RBMS3: variants seen among roughly 807,000 people sequenced by gnomAD.
RBMS3 encodes the protein RNA-binding motif, single-stranded-interacting protein 3.
A neutral mutation model predicts 66.8 loss-of-function variants in RBMS3; 27 were observed. The ratio of observed to expected loss-of-function variants is 0.40; its 90% CI spans 0.30 to 0.56. RBMS3 has a LOEUF of 0.56. RBMS3 is among the 20% of genes least tolerant of loss of function. RBMS3 has a pLI of 0.40. For synonymous variants in RBMS3, 188 were observed against 183.0 expected, an observed-to-expected ratio of 1.03 and a Z score of -0.22; for missense variants, 513 against 549.5, an observed-to-expected ratio of 0.93 and a Z score of 0.66.
At chr3:29,309,670 G>A (rs900635934) in intron 1 of RBMS3, among the ~76,000 whole-genome samples, 28 of 151,532 alleles carry the variant, frequency 1.8e-4, no homozygotes, top group Non-Finnish European at 1.5e-5. Context: ...GCAGAAATGA[G>A]TATTATTATA....
At chr3:29,725,270 A>T (rs1014852099) in intron 4 of RBMS3, among the ~76,000 whole-genome samples, 4 of 152,218 alleles carry the variant, frequency 2.6e-5, no homozygotes, top group African/African-American at 4.8e-5. Context: ...GTCGAGTCAC[A>T]TTAAACGTAA....
At chr3:29,400,695 T>C (rs2039770371) in intron 1 of RBMS3, among the ~76,000 whole-genome samples, 1 of 151,804 alleles carries the variant, frequency 6.6e-6, no homozygotes. Flanking sequence ...TAGGTGAAAA[T>C]GGAAGTTGGA....
chr3:29,551,565 G>T (rs1017542537), intron 3 of RBMS3, among the ~76,000 whole-genome samples: 7 of 152,182 alleles, frequency 4.6e-5, no homozygotes, highest in Admixed American at 3.3e-4. Flanking sequence ...TGTATGTAAG[G>T]TCTTACTTGC....
At chr3:29,996,994 A>C (rs1423616542) in intron 14 of RBMS3, among the ~76,000 whole-genome samples, 1 of 152,058 alleles carries the variant, frequency 6.6e-6, no homozygotes, top group Admixed American at 6.6e-5. Context: ...TTTTTTGAAA[A>C]GATCAAAAAA....
intron 10 of RBMS3, among the ~76,000 whole-genome samples, chr3:29,928,211 T>TATATATATATATATACACACACAC (rs1291440563): frequency 2.1e-5 from 2 of 93,508 alleles, no homozygotes; most frequent in African/African-American, 8.5e-5. Flanking sequence ...TATATATATA[T>TATATATATATATATACACACACAC]ACACACACAC....
At position 29,701,529 on chromosome 3, in the gene RBMS3, C is replaced by T. The variant is rs144680353; in HGVS notation, c.400-38191C>T. Reference sequence around the variant, plus strand: ...TGCACTATGGGAGCCCCTCTCTGGGCTGGCAGAGGTCGGAGCCAGCTCCCT... The same window carrying T: ...TGCACTATGGGAGCCCCTCTCTGGGTTGGCAGAGGTCGGAGCCAGCTCCCT... On this transcript the variant is annotated intron_variant, in intron 4 of 14. Transcript: ENST00000383767. 2.9e-3 allele frequency among the ~76,000 whole-genome samples: 436 copies of T among 152,182 alleles called. 1 individual carries two copies. Among genetic ancestry groups the T allele is most frequent in the African/African-American group, 9.8e-3 (407 of 41,542 alleles).
chr3:29,824,119 A>T (rs1279135405), intron 6 of RBMS3, among the ~76,000 whole-genome samples: 1 of 71,486 alleles, frequency 1.4e-5, no homozygotes, highest in African/African-American at 5.3e-5. Context: ...CCCCACCCCC[A>T]CCCCACCCCA....
chr3:29,414,153 G>A (rs568663939), intron 1 of RBMS3, among the ~76,000 whole-genome samples: 50 of 152,288 alleles, frequency 3.3e-4, no homozygotes, highest in Non-Finnish European at 6.2e-4. Context: ...TGCAGTTTCT[G>A]TGTTTATTCT....
chr3:29,892,436 C>A (rs1013322933), intron 8 of RBMS3, among the ~76,000 whole-genome samples: 3 of 151,434 alleles, frequency 2.0e-5, no homozygotes, highest in Non-Finnish European at 4.4e-5. Context: ...GCATCCCAGG[C>A]CTTTATCCAC....
At chr3:29,774,462 G>A (rs2056347740) in intron 6 of RBMS3, among the ~76,000 whole-genome samples, 1 of 151,738 alleles carries the variant, frequency 6.6e-6, no homozygotes, top group African/African-American at 2.4e-5. Context: ...AAGACAAAGG[G>A]GTTTTAAAAT....
intron 4 of RBMS3, among the ~76,000 whole-genome samples, chr3:29,648,599 C>T (rs1346596332): frequency 6.6e-6 from 1 of 152,046 alleles, no homozygotes; most frequent in African/African-American, 2.4e-5. Context: ...TACTTCTTAA[C>T]ATGAACTCAC....
chr3:29,344,266 G>A (rs1316571285), intron 1 of RBMS3, among the ~76,000 whole-genome samples: 5 of 152,016 alleles, frequency 3.3e-5, no homozygotes, highest in South Asian at 2.1e-4. Context: ...GCATGTTGTC[G>A]ACCAGGTGCT....
At chr3:29,473,582 G>A (rs1041080572) in intron 2 of RBMS3, among the ~76,000 whole-genome samples, 20 of 152,330 alleles carry the variant, frequency 1.3e-4, no homozygotes, top group African/African-American at 3.8e-4. Flanking sequence ...AGGCTCGGGT[G>A]CACAGGAGCC....
At chr3:29,866,763 T>C (rs1274686906) in intron 6 of RBMS3, among the ~76,000 whole-genome samples, 3 of 152,192 alleles carry the variant, frequency 2.0e-5, no homozygotes, top group Non-Finnish European at 4.4e-5. Flanking sequence ...ACAGTACTTC[T>C]AACATAAAGG....
chr3:29,358,725 G>A (rs1174088328), intron 1 of RBMS3, among the ~76,000 whole-genome samples: 2 of 152,084 alleles, frequency 1.3e-5, no homozygotes, highest in Admixed American at 6.5e-5. Context: ...ATTTGGTTGA[G>A]CAGTGGTTTG....
chr3:29,338,140 T>C (rs1455139805), intron 1 of RBMS3, among the ~76,000 whole-genome samples: 1 of 152,160 alleles, frequency 6.6e-6, no homozygotes, highest in East Asian at 1.9e-4. Context: ...TTCTTCTGTG[T>C]TGTGATTGGG....
intron 2 of RBMS3, among the ~76,000 whole-genome samples, chr3:29,445,010 A>G (rs1454421181): frequency 6.6e-6 from 1 of 150,578 alleles, no homozygotes; most frequent in Admixed American, 6.6e-5. Context: ...TGTATCCTTA[A>G]CCGAAAACTT....
intron 1 of RBMS3, among the ~76,000 whole-genome samples, chr3:29,313,825 T>C (rs1334740976): frequency 2.6e-5 from 4 of 151,838 alleles, no homozygotes; most frequent in Non-Finnish European, 5.9e-5. Flanking sequence ...ACTTTTACAG[T>C]TGCTCTTGAA....
At chr3:29,442,974 C>A (rs967063285) in intron 2 of RBMS3, among the ~76,000 whole-genome samples, 1 of 152,106 alleles carries the variant, frequency 6.6e-6, no homozygotes, top group African/African-American at 2.4e-5. Context: ...ATTACACAAA[C>A]AACATCAGCT....
Sources: allele counts gnomAD v4.1 joint callset (sites outside exome capture counted in the v4.1 genomes callset), GRCh38; gene constraint gnomAD v4.1.1; transcripts MANE v1.5; gene names NCBI Gene and HGNC (gene_info 2026-07-23, HGNC 2026-07-21).